CTNNA2: variants seen among roughly 807,000 people sequenced by gnomAD.
CTNNA2 encodes the protein catenin alpha 2.
Under a neutral mutation model 101.0 loss-of-function variants are expected in CTNNA2, and 42 were observed. That is an observed-to-expected ratio of 0.42 (90% CI 0.32 to 0.54). CTNNA2 has a LOEUF of 0.54. Among genes scored for constraint, CTNNA2 ranks in the 20% least tolerant of loss-of-function variants. CTNNA2 has a pLI of 0.14. For missense variants in CTNNA2, 871 were observed against 1,223.1 expected (o/e 0.71, Z 4.29); for synonymous variants, 450 against 456.4 (o/e 0.99, Z 0.18).
intron 3 of CTNNA2, among the ~76,000 whole-genome samples, chr2:79,313,627 G>T (rs1676432302): frequency 6.6e-6 from 1 of 152,046 alleles, no homozygotes; most frequent in Non-Finnish European, 1.5e-5. Flanking sequence ...AAACAGGCCT[G>T]CAGTACCACA....
chr2:79,328,819 G>C (rs1676806011), intron 3 of CTNNA2, among the ~76,000 whole-genome samples: 1 of 152,178 alleles, frequency 6.6e-6, no homozygotes, highest in African/African-American at 2.4e-5. Context: ...CTGGTGACTG[G>C]AAGTCGGAAA....
chr2:79,505,561 T>C (rs1671394209), intron 5 of CTNNA2, among the ~76,000 whole-genome samples: 1 of 152,202 alleles, frequency 6.6e-6, no homozygotes, highest in Non-Finnish European at 1.5e-5. Context: ...AATTTCTATA[T>C]CAAAATCTGT....
At chr2:79,818,695 T>A (rs1677729707) in intron 3 of CTNNA2, among the ~76,000 whole-genome samples, 1 of 151,756 alleles carries the variant, frequency 6.6e-6, no homozygotes, top group African/African-American at 2.4e-5. Context: ...GAATTTTAGA[T>A]CCTTTATTGC....
chr2:79,949,951 T>C (rs1453593909), intron 7 of CTNNA2, among the ~76,000 whole-genome samples: 1 of 152,202 alleles, frequency 6.6e-6, no homozygotes, highest in African/African-American at 2.4e-5. Flanking sequence ...TTTCTGAACG[T>C]TTATAGAAAT....
chr2:80,558,464 ATGTG>A (rs869129917), intron 12 of CTNNA2, among the ~76,000 whole-genome samples: 12 of 146,208 alleles, frequency 8.2e-5, no homozygotes, highest in South Asian at 2.2e-4. Context: ...GTGTGTATAT[ATGTG>A]TGTGTGTGTG....
intron 3 of CTNNA2, among the ~76,000 whole-genome samples, chr2:79,342,854 C>A (rs1445921558): frequency 6.6e-6 from 1 of 152,176 alleles, no homozygotes; most frequent in Non-Finnish European, 1.5e-5. Flanking sequence ...GATGGGCTGA[C>A]TTCACTGCAT....
At chr2:79,737,402 T>C (rs1347914037) in intron 2 of CTNNA2, among the ~76,000 whole-genome samples, 1 of 151,904 alleles carries the variant, frequency 6.6e-6, no homozygotes, top group East Asian at 1.9e-4. Context: ...TCGCTTCAGC[T>C]AGACTCCTAG....
At chr2:80,628,874 G>A (rs187719837) in intron 18 of CTNNA2, among the ~76,000 whole-genome samples, 1 of 152,180 alleles carries the variant, frequency 6.6e-6, no homozygotes, top group African/African-American at 2.4e-5. Context: ...TAGGCTTGGG[G>A]TGCAGTTCTT....
At chr2:79,347,789 T>C (rs1233623473) in intron 3 of CTNNA2, among the ~76,000 whole-genome samples, 2 of 9,458 alleles carry the variant, frequency 2.1e-4, no homozygotes, top group African/African-American at 1.1e-3. Flanking sequence ...CTAGCCTTCC[T>C]TTTTTTTTTT....
chr2:80,467,987 T>A, intron 9 of CTNNA2, among the ~76,000 whole-genome samples: 1 of 152,178 alleles, frequency 6.6e-6, no homozygotes, highest in African/African-American at 2.4e-5. Context: ...GATACAAACA[T>A]AATAGAATAT....
At chr2:79,194,873 T>G (rs1211236871) in intron 1 of CTNNA2, among the ~76,000 whole-genome samples, 1 of 152,228 alleles carries the variant, frequency 6.6e-6, no homozygotes, top group Non-Finnish European at 1.5e-5. Flanking sequence ...AAATGTTGCT[T>G]TTTTCTTTCA....
At chr2:79,797,082 A>G (rs1049134233) in intron 3 of CTNNA2, among the ~76,000 whole-genome samples, 2 of 152,198 alleles carry the variant, frequency 1.3e-5, no homozygotes, top group African/African-American at 4.8e-5. Context: ...AATGCAAACA[A>G]TGTATCACAA....
chr2:79,731,692 G>C (rs1687204256), intron 2 of CTNNA2, among the ~76,000 whole-genome samples: 1 of 152,016 alleles, frequency 6.6e-6, no homozygotes, highest in South Asian at 2.1e-4. Flanking sequence ...AATCTGGCTG[G>C]TTGTCCGTGA....
intron 1 of CTNNA2, among the ~76,000 whole-genome samples, chr2:79,536,460 T>A (rs186012017): frequency 6.6e-6 from 1 of 152,184 alleles, no homozygotes; most frequent in African/African-American, 2.4e-5. Context: ...ATACCAGTAG[T>A]ACAATCTTAA....
chr2:80,018,516 C>T (rs914786822), intron 7 of CTNNA2, among the ~76,000 whole-genome samples: 1 of 152,110 alleles, frequency 6.6e-6, no homozygotes, highest in African/African-American at 2.4e-5. Flanking sequence ...GTGGCTCATG[C>T]CTATAATCCC....
At chr2:79,457,676 C>T (rs772349567) in intron 4 of CTNNA2, among the ~76,000 whole-genome samples, 6 of 152,098 alleles carry the variant, frequency 3.9e-5, no homozygotes, top group Middle Eastern at 3.4e-3. Flanking sequence ...GGAAACTCCG[C>T]GAGTATTTCC....
At chr2:79,578,102 A>G (rs1675909394) in intron 1 of CTNNA2, among the ~76,000 whole-genome samples, 1 of 152,188 alleles carries the variant, frequency 6.6e-6, no homozygotes, top group African/African-American at 2.4e-5. Context: ...AAAATTGTAA[A>G]TGAACGAAAG....
chr2:79,639,159 C>T (rs1176074500), intron 1 of CTNNA2, among the ~76,000 whole-genome samples: 1 of 152,196 alleles, frequency 6.6e-6, no homozygotes, highest in Non-Finnish European at 1.5e-5. Context: ...AGATGCCCAT[C>T]TCCAGCAGAG....
At chr2:80,639,734 A>T (rs1044681780) in intron 18 of CTNNA2, among the ~76,000 whole-genome samples, 1 of 152,216 alleles carries the variant, frequency 6.6e-6, no homozygotes, top group Non-Finnish European at 1.5e-5. Flanking sequence ...ATATGGTATT[A>T]GTACAAAAAA....
Sources: gnomAD v4.1 joint callset for allele counts (sites outside exome capture counted in the v4.1 genomes callset) on GRCh38, gnomAD v4.1.1 for gene constraint, MANE v1.5 for transcripts, NCBI Gene and HGNC (gene_info 2026-07-23, HGNC 2026-07-21) for gene names.